The following MAP3K5 variants were observed in gnomAD, a reference collection of about 807,000 sequenced individuals.
MAP3K5 encodes mitogen-activated protein kinase kinase kinase 5, also known as ASK-1.
MAP3K5 carries 56 observed loss-of-function variants against 158.7 expected under a neutral mutation model. The ratio of observed to expected loss-of-function variants is 0.35; its 90% CI spans 0.28 to 0.44. The LOEUF is 0.44. MAP3K5 is among the 20% of genes least tolerant of loss of function. The pLI is 1.00. For missense variants in MAP3K5, 1,294 were observed against 1,674.8 expected, an observed-to-expected ratio of 0.77 and a Z score of 3.97; for synonymous variants, 579 against 601.7, an observed-to-expected ratio of 0.96 and a Z score of 0.55.
intron 3 of MAP3K5, among the ~76,000 whole-genome samples, chr6:136,701,569 T>G (rs773539062): frequency 9.2e-5 from 14 of 152,132 alleles, no homozygotes; most frequent in Non-Finnish European, 1.6e-4. Flanking sequence ...GTTACCAAGA[T>G]CCCACAGCAC....
intron 1 of MAP3K5, among the ~76,000 whole-genome samples, chr6:136,789,637 C>A (rs115716197): frequency 0.013 from 1,999 of 151,218 alleles, 49 homozygotes; most frequent in African/African-American, 0.045. Flanking sequence ...AGTAACTCAG[C>A]CCACCTAAAT....
At chr6:136,559,911 C>A (rs1257583791) in intron 28 of MAP3K5, among the ~76,000 whole-genome samples, 3 of 152,014 alleles carry the variant, frequency 2.0e-5, no homozygotes, top group African/African-American at 7.2e-5. Flanking sequence ...AGGATTTGAG[C>A]CTAAGTTAGA....
intron 14 of MAP3K5, chr6:136,636,902 T>A: frequency 1.0e-6 from 1 of 996,902 alleles, no homozygotes; most frequent in African/African-American, 1.7e-5. Context: ...CCCTCCTCTC[T>A]TAATTCCATT....
At chr6:136,560,147 A>G (rs1830442486) in intron 28 of MAP3K5, among the ~76,000 whole-genome samples, 1 of 152,212 alleles carries the variant, frequency 6.6e-6, no homozygotes, top group African/African-American at 2.4e-5. Context: ...CTGTGTGTTC[A>G]TATAATGAAC....
In MAP3K5 at chr6:136,791,708, ACCTGCATTGTAAAAGCGGT is replaced by A; in HGVS notation, c.431_448+1del. On this transcript the variant is annotated splice_donor_variant and coding_sequence_variant, in exon 1 of 30. Coordinates refer to ENST00000359015, the MANE Select transcript of MAP3K5 (RefSeq NM_005923.4). LOFTEE classifies it high-confidence loss of function. Reference sequence around the variant, plus strand: ...GGGATGGGAAAGGGGTCACACACGCACCTGCATTGTAAAAGCGGTCCAGCACGGTGGTTTCTCCAAAGTC... The same window carrying A: ...GGGATGGGAAAGGGGTCACACACGCACCAGCACGGTGGTTTCTCCAAAGTC... The A allele has an allele frequency of 6.2e-7, 1 of 1,613,012 alleles. No individual in the cohort carries two copies. Among genetic ancestry groups the A allele is most frequent in the Non-Finnish European group, 8.5e-7 (1 of 1,179,952 alleles).
At chr6:136,719,785 GCT>G (rs1781674281) in intron 2 of MAP3K5, among the ~76,000 whole-genome samples, 1 of 152,194 alleles carries the variant, frequency 6.6e-6, no homozygotes, top group Non-Finnish European at 1.5e-5. Flanking sequence ...ATGATGGCAA[GCT>G]CAGCATGCGA....
chr6:136,583,470 A>G, intron 24 of MAP3K5, 85 bp downstream of exon 24: 11 of 1,276,078 alleles, frequency 8.6e-6, no homozygotes, highest in Non-Finnish European at 1.2e-5. Flanking sequence ...GAATTTTAAA[A>G]GAAAAATAAC....
intron 2 of MAP3K5, among the ~76,000 whole-genome samples, chr6:136,719,311 T>G (rs1326089147): frequency 6.6e-6 from 1 of 152,120 alleles, no homozygotes; most frequent in Non-Finnish European, 1.5e-5. Flanking sequence ...TAAAAATGAG[T>G]TACAACATTT....
At chr6:136,689,941 T>C (rs555012706) in intron 7 of MAP3K5, among the ~76,000 whole-genome samples, 1 of 152,226 alleles carries the variant, frequency 6.6e-6, no homozygotes, top group Admixed American at 6.5e-5. Flanking sequence ...ATAGCTACCA[T>C]ACAGGAATTC....
chr6:136,781,924 T>G (rs1784628744), intron 1 of MAP3K5, among the ~76,000 whole-genome samples: 1 of 151,896 alleles, frequency 6.6e-6, no homozygotes, highest in African/African-American at 2.4e-5. Context: ...CATTAAGAGG[T>G]ATTTGACATG....
intron 1 of MAP3K5, among the ~76,000 whole-genome samples, chr6:136,758,675 A>C (rs1783609576): frequency 6.6e-6 from 1 of 152,274 alleles, no homozygotes. Flanking sequence ...AGCAGGAAGC[A>C]AATGACAAAT....
chr6:136,711,838 A>G (rs1047547227), intron 2 of MAP3K5, among the ~76,000 whole-genome samples: 2 of 152,218 alleles, frequency 1.3e-5, no homozygotes, highest in African/African-American at 4.8e-5. Context: ...AGGAGGTATT[A>G]ATAAACCAAA....
At chr6:136,689,685 C>T (rs1780306264) in intron 7 of MAP3K5, among the ~76,000 whole-genome samples, 1 of 152,184 alleles carries the variant, frequency 6.6e-6, no homozygotes, top group Non-Finnish European at 1.5e-5. Flanking sequence ...TTTGCCCACT[C>T]TCTCTTTCCC....
intron 8 of MAP3K5, among the ~76,000 whole-genome samples, chr6:136,668,942 A>C (rs1385627211): frequency 1.3e-5 from 2 of 152,174 alleles, no homozygotes; most frequent in African/African-American, 4.8e-5. Flanking sequence ...CGCAATCTAA[A>C]ATAGGAAATA....
At chr6:136,588,062 C>T (rs1355337279) in intron 23 of MAP3K5, among the ~76,000 whole-genome samples, 1 of 152,146 alleles carries the variant, frequency 6.6e-6, no homozygotes, top group Non-Finnish European at 1.5e-5. Context: ...GAGATTTAGG[C>T]AATTCCTGGG....
At chr6:136,728,405 T>C (rs955141743) in intron 1 of MAP3K5, among the ~76,000 whole-genome samples, 10 of 152,138 alleles carry the variant, frequency 6.6e-5, no homozygotes, top group African/African-American at 2.4e-4. Context: ...GTTTGGCAAG[T>C]AGATAACATC....
intron 21 of MAP3K5, among the ~76,000 whole-genome samples, chr6:136,595,374 G>GTT (rs1775579449): frequency 6.6e-6 from 1 of 152,072 alleles, no homozygotes; most frequent in African/African-American, 2.4e-5. Context: ...CAAAGTTCTG[G>GTT]GATTACAGGT....
At chr6:136,641,649 GTTTT>G (rs35443052) in intron 12 of MAP3K5, among the ~76,000 whole-genome samples, 1 of 146,946 alleles carries the variant, frequency 6.8e-6, no homozygotes. Context: ...CTTACAGAAG[GTTTT>G]TTTTTTTTTT....
chr6:136,658,759 A>G (rs1282702791), intron 9 of MAP3K5, among the ~76,000 whole-genome samples: 1 of 152,224 alleles, frequency 6.6e-6, no homozygotes, highest in Non-Finnish European at 1.5e-5. Context: ...AAACACTCAA[A>G]TGTGTCATCA....
Sources: gnomAD v4.1 joint callset for allele counts (sites outside exome capture counted in the v4.1 genomes callset) on GRCh38, gnomAD v4.1.1 for gene constraint, MANE v1.5 for transcripts, NCBI Gene and HGNC (gene_info 2026-07-23, HGNC 2026-07-21) for gene names.